The following CCDC102B variants were observed in gnomAD, a reference collection of about 807,000 sequenced individuals.
CCDC102B encodes coiled-coil domain-containing protein 102B.
In CCDC102B, 75 loss-of-function variants were observed where a neutral mutation model predicts 57.4. The observed-to-expected ratio is 1.31, with a 90% CI of 1.08 to 1.58. CCDC102B has a LOEUF of 1.58. Ranked by LOEUF, CCDC102B falls within the 40% of genes most tolerant of loss-of-function variation. The pLI is 0.00. For missense variants in CCDC102B, 636 were observed against 582.6 expected (o/e 1.09, Z -0.94); for synonymous variants, 206 against 201.9 (o/e 1.02, Z -0.17).
At position 68,846,047 on chromosome 18, in the gene CCDC102B, A is replaced by C. The variant is rs189193945; in HGVS notation, c.828-266A>C. ...GAATTGAGAGGCAAGCATGAAATACACAGAAGAAAGCAAGCAGAATGTCAA... is the reference window on the plus strand; with the variant it reads ...GAATTGAGAGGCAAGCATGAAATACCCAGAAGAAAGCAAGCAGAATGTCAA... On this transcript the variant is annotated intron_variant, in intron 3 of 7. Coordinates refer to ENST00000360242, the MANE Select transcript of CCDC102B (RefSeq NM_024781.3). Among the ~76,000 whole-genome samples, 185 of 151,944 alleles carry C rather than the reference A, an allele frequency of 1.2e-3. 3 individuals are homozygous for C. The highest frequency in any genetic ancestry group is 1.2e-3 in the Non-Finnish European group (78 of 67,786).
At chr18:68,850,552 T>C (rs1262901236) in intron 4 of CCDC102B, among the ~76,000 whole-genome samples, 6 of 152,094 alleles carry the variant, frequency 3.9e-5, no homozygotes, top group African/African-American at 1.4e-4. Flanking sequence ...TTCTAGGTGG[T>C]TGAAGGGAAA....
chr18:68,863,928 A>T (rs1421492273), intron 4 of CCDC102B, among the ~76,000 whole-genome samples: 1 of 152,008 alleles, frequency 6.6e-6, no homozygotes, highest in Non-Finnish European at 1.5e-5. Context: ...ATGACAAGAT[A>T]TACTGGAATC....
At chr18:69,053,622 A>G (rs1400966700) in intron 7 of CCDC102B, among the ~76,000 whole-genome samples, 2 of 151,894 alleles carry the variant, frequency 1.3e-5, no homozygotes, top group Non-Finnish European at 2.9e-5. Context: ...CTGGTAAGTT[A>G]CTGTCATACA....
At chr18:68,957,557 GTTT>G (rs33933822) in intron 6 of CCDC102B, among the ~76,000 whole-genome samples, 2 of 131,730 alleles carry the variant, frequency 1.5e-5, no homozygotes, top group African/African-American at 5.8e-5. Context: ...GATTCTTCCA[GTTT>G]TTTTTTTTTT....
chr18:68,725,000 G>A (rs545151345), intron 2 of CCDC102B, among the ~76,000 whole-genome samples: 3 of 152,290 alleles, frequency 2.0e-5, no homozygotes, highest in Non-Finnish European at 2.9e-5. Context: ...TGGGAAGACC[G>A]CAGGAAACTT....
At chr18:68,956,332 T>TATATATAAATATATAAA (rs1555732871) in intron 6 of CCDC102B, among the ~76,000 whole-genome samples, 1 of 54,980 alleles carries the variant, frequency 1.8e-5, no homozygotes, top group African/African-American at 9.1e-5. Flanking sequence ...TTATATATAT[T>TATATATAAATATATAAA]ATATATAATA....
intron 6 of CCDC102B, among the ~76,000 whole-genome samples, chr18:69,002,247 T>C (rs966230226): frequency 5.3e-5 from 8 of 152,168 alleles, no homozygotes; most frequent in African/African-American, 1.9e-4. Context: ...CGACATGTTC[T>C]TCCAATGGCG....
chr18:68,858,519 G>A (rs1286937100), intron 4 of CCDC102B, among the ~76,000 whole-genome samples: 1 of 152,110 alleles, frequency 6.6e-6, no homozygotes, highest in East Asian at 1.9e-4. Context: ...TCTATTTACA[G>A]TATATTAGGT....
At chr18:68,870,820 A>G (rs572924410) in intron 4 of CCDC102B, among the ~76,000 whole-genome samples, 59 of 152,332 alleles carry the variant, frequency 3.9e-4, no homozygotes, top group African/African-American at 1.3e-3. Context: ...TGCATTAACT[A>G]TTTAATCCTT....
At chr18:68,884,427 T>C (rs1053971130) in intron 5 of CCDC102B, among the ~76,000 whole-genome samples, 1 of 151,910 alleles carries the variant, frequency 6.6e-6, no homozygotes, top group African/African-American at 2.4e-5. Flanking sequence ...AAGAAAAATA[T>C]TGCATATTCT....
chr18:68,776,791 G>A (rs544565741), intron 2 of CCDC102B, among the ~76,000 whole-genome samples: 2 of 152,094 alleles, frequency 1.3e-5, no homozygotes, highest in South Asian at 2.1e-4. Context: ...AAACAAACCT[G>A]CATATGTACC....
At chr18:69,019,594 G>C (rs956952633) in intron 7 of CCDC102B, among the ~76,000 whole-genome samples, 1 of 152,038 alleles carries the variant, frequency 6.6e-6, no homozygotes, top group Non-Finnish European at 1.5e-5. Context: ...CAACTTTACT[G>C]AATTCATTTA....
rs1405198181 is a variant in CCDC102B at position 68,928,384 on chromosome 18, ATAAT to A, written c.1263+30959_1263+30962del. Among the ~76,000 whole-genome samples, 3 of 151,878 alleles carry A rather than the reference ATAAT, an allele frequency of 2.0e-5. No individual in the cohort carries two copies. The East Asian group carries it at 5.8e-4, about 30-fold the overall frequency. On this transcript the variant is annotated intron_variant, in intron 6 of 7. Transcript: ENST00000360242. ...TCCTTATCCCTAGAAATTACAGTTG[ATAAT>A]TAGAGAGGCAGAGCTGGCAAACGAA...
At chr18:68,747,351 T>G (rs1451496195) in intron 2 of CCDC102B, among the ~76,000 whole-genome samples, 1 of 152,096 alleles carries the variant, frequency 6.6e-6, no homozygotes, top group African/African-American at 2.4e-5. Context: ...TCTTCCTGTC[T>G]TATTTTACTT....
At chr18:68,808,213 A>C (rs1462256042) in intron 1 of CCDC102B, among the ~76,000 whole-genome samples, 1 of 152,100 alleles carries the variant, frequency 6.6e-6, no homozygotes, top group African/African-American at 2.4e-5. Context: ...ATATTATATT[A>C]AGATGGAAAG....
At chr18:69,018,033 G>A (rs532292650) in intron 7 of CCDC102B, among the ~76,000 whole-genome samples, 4 of 151,652 alleles carry the variant, frequency 2.6e-5, no homozygotes, top group Non-Finnish European at 4.4e-5. Flanking sequence ...TAACTTATCC[G>A]TTTCTGTGTG....
chr18:68,902,245 T>G (rs1303497947), intron 6 of CCDC102B: 3 of 152,212 alleles, frequency 2.0e-5, no homozygotes, highest in Non-Finnish European at 4.4e-5. Context: ...TTCCATAGGT[T>G]TTTCTTTCTG....
chr18:69,017,220 A>G (rs1322407878), intron 7 of CCDC102B, among the ~76,000 whole-genome samples: 2 of 152,124 alleles, frequency 1.3e-5, no homozygotes, highest in Non-Finnish European at 2.9e-5. Context: ...GGCTCAAGCA[A>G]TCCTCCCACC....
intron 1 of CCDC102B, among the ~76,000 whole-genome samples, chr18:68,813,575 G>T (rs1050435432): frequency 8.6e-5 from 13 of 151,808 alleles, no homozygotes; most frequent in African/African-American, 3.1e-4. Context: ...AGAAATGTAG[G>T]TTAGTTAGGG....
Sources: gnomAD v4.1 joint callset for allele counts (sites outside exome capture counted in the v4.1 genomes callset) on GRCh38, gnomAD v4.1.1 for gene constraint, MANE v1.5 for transcripts, NCBI Gene and HGNC (gene_info 2026-07-23, HGNC 2026-07-21) for gene names.